PKD1: variants seen among roughly 807,000 people sequenced by gnomAD.
PKD1 encodes the protein polycystin-1.
PKD1 carries 81 observed loss-of-function variants against 361.7 expected under a neutral mutation model. The observed-to-expected ratio is 0.22, with a 90% CI of 0.19 to 0.27. The LOEUF (loss-of-function observed/expected upper bound fraction) is 0.27. PKD1 is among the 10% of genes least tolerant of loss of function. The pLI is 1.00. For missense variants in PKD1, 6,399 were observed against 6,118.3 expected (o/e 1.05, Z -1.53); for synonymous variants, 3,615 against 2,818.3 (o/e 1.28, Z -8.95).
rs746226766 is a variant in PKD1, at chr16:2,100,617, G to C, written c.9398-51C>G. 6 of 1,505,292 alleles carry C rather than the reference G, an allele frequency of 4.0e-6. No homozygotes were observed. The highest frequency in any genetic ancestry group is 5.5e-6 in the Non-Finnish European group (6 of 1,091,940). 93.2% of individuals were successfully genotyped at this position (1,505,292 alleles called of 1,614,324 possible). ...AGGCTCGGTCTGCTGCCCAACACGT[G>C]TGGCATCCCAGGCAAGTCATCTCAG... On this transcript the variant is annotated intron_variant, in intron 26 of 45. Transcript: ENST00000262304. The surrounding 1 kb of genome is among the most constrained non-coding windows in gnomAD (Gnocchi z 4.4).
chr16:2,107,754 T>C (rs1261339334), intron 16 of PKD1, 129 bp downstream of exon 16: 4 of 866,898 alleles, frequency 4.6e-6, no homozygotes, highest in South Asian at 2.9e-5. Context: ...TCGTGTTACA[T>C]AGAATTTGCA....
rs565933655 is a variant in PKD1 at position 2,107,833 on chromosome 16, G to A, written c.7065+50C>T. On this transcript the variant is annotated intron_variant, in intron 16 of 45. Coordinates refer to ENST00000262304, the MANE Select transcript of PKD1 (RefSeq NM_001009944.3). ...AAACACGGAAAACAGTAGATGACCAGGGAGGCTGGGCTGTCCAAGGCAAGT... is the reference window on the plus strand; with the variant it reads ...AAACACGGAAAACAGTAGATGACCAAGGAGGCTGGGCTGTCCAAGGCAAGT... 2.8e-5 allele frequency: 43 copies of A among 1,519,216 alleles called. No homozygotes were observed. In the South Asian group the frequency reaches 3.5e-4, roughly 12 times the overall value. The allele number at this position is 1,519,216 out of a possible 1,614,324, so 94.1% of individuals were successfully genotyped here.
At chr16:2,099,411 G>A (rs541954369) in intron 30 of PKD1, 82 of 609,234 alleles carry the variant, frequency 1.3e-4, no homozygotes, top group African/African-American at 6.0e-4. Context: ...GCAGTCGTCC[G>A]TGGCGTCTGC....
chr16:2,100,110 G>C lies in PKD1; in HGVS notation c.9713-39C>G, dbSNP rs1334791682. The C allele has an allele frequency of 6.2e-7, 1 of 1,604,576 alleles. No individual in the cohort carries two copies. Among genetic ancestry groups the C allele is most frequent in the Non-Finnish European group, 8.5e-7 (1 of 1,175,738 alleles). On this transcript the variant is annotated intron_variant, in intron 28 of 45. Transcript: ENST00000262304. The surrounding 1 kb of genome is among the most constrained non-coding windows in gnomAD (Gnocchi z 4.4). ...AGGGCCGCACTGCAGGAGGCCACGG[G>C]GCAGGACCACCCTGCCCAACCTCCC...
In PKD1 at chr16:2,102,242, A is replaced by G. The variant is rs1336537447; in HGVS notation, c.9216T>C (p.Asp3072=). 2.6e-6 allele frequency: 4 copies of G among 1,527,990 alleles called. No individual in the cohort carries two copies. The highest frequency in any genetic ancestry group is 3.6e-6 in the Non-Finnish European group (4 of 1,111,796). 94.7% of individuals were successfully genotyped at this position (1,527,990 alleles called of 1,614,324 possible). A position where few individuals can be genotyped will look rare whatever the true frequency, so the allele number is the denominator to read the frequency against. Reference sequence around the variant, plus strand: ...ATGTCAGCATGACGATGTAGTTTACATCCGCTGTCGGCTCCTGTGAGGACA... The same window carrying G: ...ATGTCAGCATGACGATGTAGTTTACGTCCGCTGTCGGCTCCTGTGAGGACA... ...VRFVFPEPTA[D]VNYIVMLTCA... Residue 3072 remains aspartate (D), a synonymous_variant, in exon 26 of 46, where the codon GAT becomes GAC. Coordinates refer to ENST00000262304, the MANE Select transcript of PKD1 (RefSeq NM_001009944.3).
chr16:2,093,212 G>A, intron 37 of PKD1, 119 bp from the exon 38 acceptor site: 7 of 1,261,594 alleles, frequency 5.5e-6, no homozygotes, highest in Non-Finnish European at 8.0e-6. Flanking sequence ...GAGCTGGCAG[G>A]GGGCGCCCCA....
intron 30 of PKD1, chr16:2,099,119 A>T: frequency 7.5e-6 from 2 of 265,262 alleles, no homozygotes; most frequent in South Asian, 8.1e-5. Context: ...GGCGTGAGCC[A>T]CCGCGCCTGG....
rs776841613 is a variant in PKD1 at position 2,106,815 on chromosome 16, G to A, written c.7199C>T (p.Ser2400Phe). The change falls in exon 17 of 46, where the codon TCC becomes TTC. Residue 2400 changes from serine (S) to phenylalanine (F), a missense_variant. Ser to Phe is a radical substitution (Grantham distance 155). Coordinates refer to ENST00000262304, the MANE Select transcript of PKD1 (RefSeq NM_001009944.3). The surrounding 1 kb of genome is among the most constrained non-coding windows in gnomAD (Gnocchi z 6.5). ...EGRCLNCSSG[S>F]KRGRWAARTF... ...CCGCTCAACACTCACCCCTCGCTTGGAGCCGCTGCTGCAATTGAGGCAGCG... is the reference window on the plus strand; with the variant it reads ...CCGCTCAACACTCACCCCTCGCTTGAAGCCGCTGCTGCAATTGAGGCAGCG... 14 of 1,552,682 alleles carry A rather than the reference G, an allele frequency of 9.0e-6. No homozygotes were observed. Among genetic ancestry groups the A allele is most frequent in the African/African-American group, 1.4e-5 (1 of 70,104 alleles).
At chr16:2,120,317 G>A (rs1324111378) in intron 1 of PKD1, 1 of 158,026 alleles carries the variant, frequency 6.3e-6, no homozygotes, top group African/African-American at 2.4e-5. Flanking sequence ...AATAAAATTA[G>A]AAAACAAACT....
rs776023570 is a variant in PKD1 at position 2,104,483 on chromosome 16, C to T, written c.8161+15G>A. The T allele has an allele frequency of 9.3e-5, 140 of 1,503,316 alleles. No homozygotes were observed. The Admixed American group carries it at 1.2e-3, about 12-fold the overall frequency. The allele number at this position is 1,503,316 out of a possible 1,614,324, so 93.1% of individuals were successfully genotyped here. A position where few individuals can be genotyped will look rare whatever the true frequency, so the allele number is the denominator to read the frequency against. On this transcript the variant is annotated intron_variant, in intron 22 of 45. Transcript: ENST00000262304. ...CACGGGGCGGGCGGGTGGCATGGGGCACGGGCCGCGGCACCTGTGATGTTG... is the reference window on the plus strand; with the variant it reads ...CACGGGGCGGGCGGGTGGCATGGGGTACGGGCCGCGGCACCTGTGATGTTG...
chr16:2,114,371 G>A lies in PKD1; in HGVS notation c.2652C>T (p.Gly884=). Residue 884 remains glycine (G), a synonymous_variant, in exon 11 of 46, where the codon GGC becomes GGT. Coordinates refer to ENST00000262304, the MANE Select transcript of PKD1 (RefSeq NM_001009944.3). ...GGGTATCGTTGGTCTCCCAGGGGCAGCCGGGCACGAAGGTGGCCACCAGGG... is the reference window on the plus strand; with the variant it reads ...GGGTATCGTTGGTCTCCCAGGGGCAACCGGGCACGAAGGTGGCCACCAGGG... ...CPALVATFVP[G]CPWETNDTLF... 1 of 1,609,462 alleles carries A rather than the reference G, an allele frequency of 6.2e-7. No homozygotes were observed. The highest frequency in any genetic ancestry group is 1.1e-5 in the South Asian group (1 of 90,980).
chr16:2,100,964 T>G lies in PKD1; in HGVS notation c.9398-398A>C, dbSNP rs1370522764. On this transcript the variant is annotated intron_variant, in intron 26 of 45. Transcript: ENST00000262304. This position sits in a 1 kb window ranked among gnomAD's most constrained non-coding sequence, Gnocchi z 4.4. ...GAAGCTGTGTCACCTCCTCTCCCAG[T>G]GACAGACCCAGGTGACAGTATTTTT... 6.6e-6 allele frequency among the ~76,000 whole-genome samples: 1 copy of G among 152,012 alleles called. No homozygotes were observed. Among genetic ancestry groups the G allele is most frequent in the Non-Finnish European group, 1.5e-5 (1 of 67,994 alleles).
At chr16:2,092,626 A>G (rs1440130016) in intron 38 of PKD1, 34 bp from the exon 39 acceptor site, 16 of 1,444,900 alleles carry the variant, frequency 1.1e-5, no homozygotes, top group Non-Finnish European at 1.3e-5. Context: ...TCCAGCCCCT[A>G]CTGCCCCATG....
chr16:2,132,197 G>C (rs71386651), intron 1 of PKD1, among the ~76,000 whole-genome samples: 2 of 149,638 alleles, frequency 1.3e-5, no homozygotes, highest in African/African-American at 2.5e-5. Flanking sequence ...TTGCCGTGAG[G>C]TGAGATCGCG....
In PKD1 at chr16:2,109,389, G is replaced by T. The variant is rs1472259343; in HGVS notation, c.5778C>A (p.Ala1926=). ...GGGGCCCGGGGAGCACCTCGGGGTT[G>T]GCCCCGCCGACCTGCAGGCGGAAGG... ...AVTFRLQVGG[A]NPEVLPGPRF... The change falls in exon 15 of 46, where the codon GCC becomes GCA. Residue 1926 remains alanine, a synonymous_variant. Transcript: ENST00000262304. 21 of 1,597,650 alleles carry T rather than the reference G, an allele frequency of 1.3e-5. No individual in the cohort carries two copies. In the Admixed American group the frequency reaches 1.3e-4, roughly 10 times the overall value.
chr16:2,095,258 C>CA (rs2091797766), intron 34 of PKD1: 1 of 152,046 alleles, frequency 6.6e-6, no homozygotes, highest in Admixed American at 6.6e-5. Flanking sequence ...AACACACACA[C>CA]AAAAAATTAG....
intron 34 of PKD1, among the ~76,000 whole-genome samples, chr16:2,096,422 C>T (rs1045176944): frequency 1.3e-5 from 2 of 152,268 alleles, no homozygotes; most frequent in East Asian, 1.9e-4. Flanking sequence ...GCTCCGCCGC[C>T]GGCTGCCATG....
rs112970540 is a variant in PKD1, at chr16:2,093,570, C to T, written c.10990G>A (p.Val3664Ile). The change falls in exon 37 of 46, where the codon GTC (valine) becomes ATC (isoleucine). Residue 3664 changes from valine (V) to isoleucine (I), a missense_variant. By Grantham distance (29) the Val-to-Ile change is conservative. Coordinates refer to ENST00000262304, the MANE Select transcript of PKD1 (RefSeq NM_001009944.3). ...LFLAKEEARK[V>I]KRLHGMLRSL... The stretch of plus-strand genomic sequence containing the variant: ...CGCAGCATGCCATGTAGCCTCTTGA[C>T]CTTGCGGGCTTCTTCCTTGGCCAGG... 3.7e-6 allele frequency: 6 copies of T among 1,606,192 alleles called. No individual in the cohort carries two copies. The highest frequency in any genetic ancestry group is 2.7e-5 in the African/African-American group (2 of 74,954).
At position 2,119,676 on chromosome 16, in the gene PKD1, C is replaced by T. The variant is rs535048848; in HGVS notation, c.216-298G>A. 6.1e-4 allele frequency: 373 copies of T among 609,510 alleles called. 4 individuals carry two copies. The highest frequency in any genetic ancestry group is 2.8e-3 in the South Asian group (143 of 51,438). 37.8% of individuals were successfully genotyped at this position (609,510 alleles called of 1,614,324 possible). ...GGAAGGGCACGGACCCCCAACCCATCCCACGCAGGGCCAAGGCCCCCCATC... is the reference window on the plus strand; with the variant it reads ...GGAAGGGCACGGACCCCCAACCCATTCCACGCAGGGCCAAGGCCCCCCATC... On this transcript the variant is annotated intron_variant, in intron 1 of 45. Transcript: ENST00000262304.
Sources: allele counts gnomAD v4.1 joint callset (sites outside exome capture counted in the v4.1 genomes callset), GRCh38; gene constraint gnomAD v4.1.1; non-coding constraint Gnocchi (gnomAD v3.1); transcripts MANE v1.5; gene names NCBI Gene and HGNC (gene_info 2026-07-23, HGNC 2026-07-21).